The following SZT2 variants were observed in gnomAD, a reference collection of about 807,000 sequenced individuals.
SZT2 encodes the protein KICSTOR complex protein SZT2.
A neutral mutation model predicts 404.2 loss-of-function variants in SZT2; 216 were observed. The ratio of observed to expected loss-of-function variants is 0.53; its 90% CI spans 0.48 to 0.60. The LOEUF (loss-of-function observed/expected upper bound fraction) is 0.60. Ranked by LOEUF, SZT2 falls within the 20% of genes least tolerant of loss-of-function variation. The pLI is 0.00. For missense variants in SZT2, 3,857 were observed against 4,459.2 expected (o/e 0.86, Z 3.85); for synonymous variants, 1,693 against 1,749.9 (o/e 0.97, Z 0.81).
At chr1:43,395,220 C>T (rs968329004) in intron 1 of SZT2, among the ~76,000 whole-genome samples, 1 of 152,202 alleles carries the variant, frequency 6.6e-6, no homozygotes, top group Non-Finnish European at 1.5e-5. Context: ...ACAAACCTTG[C>T]TCAACCTTCA....
intron 46 of SZT2, 178 bp downstream of exon 46, chr1:43,438,080 C>G (rs945640670): frequency 6.5e-6 from 4 of 616,620 alleles, no homozygotes; most frequent in South Asian, 5.8e-5. Context: ...TCTGGGACTT[C>G]TCTTAGAACC....
Position 43,452,999 on chromosome 1 carries a change from C to T in SZT2, c.*2519C>T. The T allele has an allele frequency of 6.4e-7, 1 of 1,564,922 alleles. No individual in the cohort carries two copies. The highest frequency in any genetic ancestry group is 1.1e-5 in the South Asian group (1 of 88,420). On this transcript the variant is annotated 3_prime_UTR_variant, in exon 72 of 72. Coordinates refer to ENST00000634258, the MANE Select transcript of SZT2 (RefSeq NM_001365999.1). Reference sequence around the variant, plus strand: ...CAACTTCCTGCCCATCAAGCAATGCCCACTCCTTGAAGACAGTCCAAGCAT... The same window carrying T: ...CAACTTCCTGCCCATCAAGCAATGCTCACTCCTTGAAGACAGTCCAAGCAT...
intron 1 of SZT2, among the ~76,000 whole-genome samples, chr1:43,402,053 C>T (rs1649751530): frequency 1.3e-5 from 2 of 152,168 alleles, no homozygotes; most frequent in Admixed American, 1.3e-4. Context: ...CATGTTTCCC[C>T]ATTTTGGAAA....
At position 43,447,609 on chromosome 1, in the gene SZT2, C is replaced by T. The variant is rs529457372; in HGVS notation, c.9351C>T (p.His3117=). The part of the protein sequence containing the change: ...AHQLYNYVAD[H]ASSYHMKPLR... ...AGCTATACAACTACGTGGCTGATCA[C>T]GCCAGCTCTTACCACATGAAGCCAT... is the stretch of plus-strand genomic sequence containing the variant. The change falls in exon 67 of 72, where the codon CAC becomes CAT. Residue 3117 remains histidine, a synonymous_variant. Transcript: ENST00000634258. 4.3e-6 allele frequency: 7 copies of T among 1,614,212 alleles called. No homozygotes were observed. Among genetic ancestry groups the T allele is most frequent in the South Asian group, 2.2e-5 (2 of 91,080 alleles).
Position 43,437,261 on chromosome 1 carries a change from G to A in SZT2, c.6125G>A (p.Trp2042Ter). 3.1e-6 allele frequency: 5 copies of A among 1,614,176 alleles called. No homozygotes were observed. The highest frequency in any genetic ancestry group is 4.2e-6 in the Non-Finnish European group (5 of 1,180,034). The part of the protein sequence containing the change: ...VPGHFSCDVV[W>*]GTVIRVHSRL... ...GGCCATTTCTCCTGTGACGTTGTGT[G>A]GGGAACTGTGATCCGAGTCCATTCA... is the stretch of plus-strand genomic sequence containing the variant. Residue 2042 changes from tryptophan (W) to a stop codon, truncating the protein, a stop_gained, in exon 43 of 72, where the codon TGG (tryptophan) becomes TAG (stop). Coordinates refer to ENST00000634258, the MANE Select transcript of SZT2 (RefSeq NM_001365999.1). LOFTEE classifies it high-confidence loss of function. The surrounding 1 kb of genome is among the most constrained non-coding windows in gnomAD (Gnocchi z 5.3).
intron 29 of SZT2, 75 bp downstream of exon 29, chr1:43,429,919 G>T (rs373865576): frequency 1.9e-6 from 3 of 1,610,598 alleles, no homozygotes; most frequent in East Asian, 4.5e-5. Context: ...TCTCCTGGGC[G>T]GGGGGTATGC....
intron 4 of SZT2, among the ~76,000 whole-genome samples, chr1:43,414,496 A>C (rs752170363): frequency 3.1e-4 from 47 of 151,864 alleles, no homozygotes; most frequent in Non-Finnish European, 5.0e-4. Flanking sequence ...ATCTCTGCTC[A>C]CTGCAACCTC....
At chr1:43,418,216 A>C (rs1176037872) in intron 7 of SZT2, among the ~76,000 whole-genome samples, 1 of 152,148 alleles carries the variant, frequency 6.6e-6, no homozygotes, top group Admixed American at 6.6e-5. Flanking sequence ...GAGAATGGTA[A>C]CCAGAGGGAA....
chr1:43,403,117 G>C, intron 1 of SZT2, 60 bp from the exon 2 acceptor site: 3 of 1,580,864 alleles, frequency 1.9e-6, no homozygotes, highest in South Asian at 1.2e-5. Flanking sequence ...ACAGTGATCT[G>C]TGTGTTCCAG....
At chr1:43,390,855 G>A (rs896277529) in intron 1 of SZT2, among the ~76,000 whole-genome samples, 2 of 152,248 alleles carry the variant, frequency 1.3e-5, no homozygotes, top group East Asian at 3.8e-4. Flanking sequence ...GGTGGGAAGG[G>A]TGAGAGATGT....
Position 43,389,925 on chromosome 1 carries a change from T to G in SZT2, c.-44T>G. On this transcript the variant is annotated 5_prime_UTR_variant, in exon 1 of 72. Coordinates refer to ENST00000634258, the MANE Select transcript of SZT2 (RefSeq NM_001365999.1). ...AGGTAGCGAGGTCAGGGGTCAAGAG[T>G]GGAACACCCTCACTGGCCCGGGCCG... The G allele has an allele frequency of 1.3e-6, 2 of 1,510,746 alleles. No homozygotes were observed. The highest frequency in any genetic ancestry group is 1.8e-6 in the Non-Finnish European group (2 of 1,129,782). 93.6% of individuals were successfully genotyped at this position (1,510,746 alleles called of 1,614,324 possible).
At chr1:43,406,175 C>T in intron 4 of SZT2, 1 of 234,958 alleles carries the variant, frequency 4.3e-6, no homozygotes, top group South Asian at 3.5e-5. Flanking sequence ...GCACCCTCCA[C>T]CTCCTGGGTT....
chr1:43,426,171 T>C lies in SZT2; in HGVS notation c.3043+20T>C, dbSNP rs1222045047. Reference sequence around the variant, plus strand: ...CCAGAGGTAGGTGAACCTGGTACCCTTTCACCCCACACCTAAAGGGCCAGC... The same window carrying C: ...CCAGAGGTAGGTGAACCTGGTACCCCTTCACCCCACACCTAAAGGGCCAGC... On this transcript the variant is annotated intron_variant, in intron 21 of 71. Transcript: ENST00000634258. The surrounding 1 kb of genome is among the most constrained non-coding windows in gnomAD (Gnocchi z 4.9). 1.2e-6 allele frequency: 2 copies of C among 1,609,690 alleles called. No individual in the cohort carries two copies. The highest frequency in any genetic ancestry group is 1.7e-6 in the Non-Finnish European group (2 of 1,176,446).
chr1:43,447,472 T>C, intron 66 of SZT2, 73 bp from the exon 67 acceptor site: 17 of 1,560,434 alleles, frequency 1.1e-5, no homozygotes, highest in Non-Finnish European at 1.3e-5. Flanking sequence ...AAGACTCCCA[T>C]CCCTGTGCCC....
Position 43,422,453 on chromosome 1 carries a change from A to G in SZT2, c.1770-27A>G. 3 of 1,546,182 alleles carry G rather than the reference A, an allele frequency of 1.9e-6. No homozygotes were observed. The East Asian group carries it at 6.8e-5, about 35-fold the overall frequency. ...CTCCAAGCCTGGGGCCTGGAGGTCT[A>G]ACCTCAGTCCACACCCCTCTTCCTA... is the stretch of plus-strand genomic sequence containing the variant. On this transcript the variant is annotated intron_variant, in intron 12 of 71. Transcript: ENST00000634258.
chr1:43,426,525 C>T lies in SZT2; in HGVS notation c.3201C>T (p.Thr1067=), dbSNP rs1653165271. The change falls in exon 22 of 72, where the codon ACC becomes ACT. Residue 1067 remains threonine (T), a synonymous_variant. Coordinates refer to ENST00000634258, the MANE Select transcript of SZT2 (RefSeq NM_001365999.1). This position sits in a 1 kb window ranked among gnomAD's most constrained non-coding sequence, Gnocchi z 4.9. ...AAFLSEVLRR[T]CHVPGAEGPL... ...TCTTGAGTGAGGTGCTGCGGCGGAC[C>T]TGCCACGTTCCAGGTGAGTTCCCCA... The T allele has an allele frequency of 1.9e-6, 3 of 1,579,536 alleles. No homozygotes were observed. Among genetic ancestry groups the T allele is most frequent in the Non-Finnish European group, 2.6e-6 (3 of 1,170,258 alleles).
In SZT2 at chr1:43,403,275, T is replaced by G. The variant is rs1464596324; in HGVS notation, c.126T>G (p.Thr42=). 1 of 1,613,852 alleles carries G rather than the reference T, an allele frequency of 6.2e-7. No homozygotes were observed. Among genetic ancestry groups the G allele is most frequent in the Admixed American group, 1.7e-5 (1 of 60,014 alleles). ...GGTTCCTCAGTCATCTGCACCAAAC[T>G]GTGCAGGCCACACCCCAGGAGATGC... The part of the protein sequence containing the change: ...LAWFLSHLHQ[T]VQATPQEMLL... The change falls in exon 2 of 72, where the codon ACT becomes ACG. Residue 42 remains threonine, a synonymous_variant. Coordinates refer to ENST00000634258, the MANE Select transcript of SZT2 (RefSeq NM_001365999.1).
chr1:43,441,742 T>C lies in SZT2; in HGVS notation c.7666T>C (p.Ser2556Pro). The change falls in exon 55 of 72, where the codon TCC (serine) becomes CCC (proline). Residue 2556 changes from serine (S) to proline (P), a missense_variant. Transcript: ENST00000634258. The surrounding 1 kb of genome is among the most constrained non-coding windows in gnomAD (Gnocchi z 4.8). Reference sequence around the variant, plus strand: ...CATGGTGTCCCGGTTCCTCCTTCCATCCATCCTGTCTGAGTTCACCGCACT... The same window carrying C: ...CATGGTGTCCCGGTTCCTCCTTCCACCCATCCTGTCTGAGTTCACCGCACT... Reference protein sequence around the residue: ...AHMVSRFLLPSILSEFTALVT... With the variant: ...AHMVSRFLLPPILSEFTALVT... 1 of 1,614,160 alleles carries C rather than the reference T, an allele frequency of 6.2e-7. No homozygotes were observed. Among genetic ancestry groups the C allele is most frequent in the Non-Finnish European group, 8.5e-7 (1 of 1,180,024 alleles).
At chr1:43,431,132 G>A (rs755579601) in intron 33 of SZT2, 42 bp downstream of exon 33, 2 of 1,604,036 alleles carry the variant, frequency 1.2e-6, no homozygotes, top group South Asian at 2.2e-5. Context: ...ACCTTTTTAG[G>A]GTAGGGGGAC....
Sources: gnomAD v4.1 joint callset for allele counts (sites outside exome capture counted in the v4.1 genomes callset) on GRCh38, gnomAD v4.1.1 for gene constraint, Gnocchi (gnomAD v3.1) non-coding constraint, MANE v1.5 for transcripts, NCBI Gene and HGNC (gene_info 2026-07-23, HGNC 2026-07-21) for gene names.